PALS2: variants seen among roughly 807,000 people sequenced by gnomAD.
PALS2 encodes the protein protein PALS2.
In PALS2, 27 loss-of-function variants were observed where a neutral mutation model predicts 61.6. The ratio of observed to expected loss-of-function variants is 0.44; its 90% CI spans 0.32 to 0.60. PALS2 has a LOEUF of 0.60. Ranked by LOEUF, PALS2 falls within the 20% of genes least tolerant of loss-of-function variation. The pLI is 0.05. For missense variants in PALS2, 554 were observed against 639.4 expected (o/e 0.87, Z 1.44); for synonymous variants, 236 against 218.6 (o/e 1.08, Z -0.70).
intron 1 of PALS2, among the ~76,000 whole-genome samples, chr7:24,621,001 A>G (rs1388424069): frequency 1.3e-5 from 2 of 152,196 alleles, no homozygotes; most frequent in African/African-American, 4.8e-5. Flanking sequence ...AGAAAGAAAA[A>G]TAAATAATGG....
At chr7:24,620,380 A>G (rs990323105) in intron 1 of PALS2, among the ~76,000 whole-genome samples, 13 of 152,164 alleles carry the variant, frequency 8.5e-5, no homozygotes, top group Admixed American at 7.2e-4. Flanking sequence ...AAATCCACCA[A>G]ATATACAAAC....
intron 5 of PALS2, among the ~76,000 whole-genome samples, chr7:24,658,550 T>C (rs1043453480): frequency 1.7e-4 from 23 of 138,666 alleles, no homozygotes; most frequent in Non-Finnish European, 2.7e-4. Flanking sequence ...ATTCTTTTTT[T>C]TTCTTCCAAC....
intron 1 of PALS2, among the ~76,000 whole-genome samples, chr7:24,575,198 A>G (rs996771057): frequency 2.6e-5 from 4 of 152,174 alleles, no homozygotes; most frequent in African/African-American, 9.7e-5. Context: ...CACCATCTTT[A>G]TGAAAGAGGT....
At chr7:24,653,731 C>T (rs1013907516) in intron 5 of PALS2, among the ~76,000 whole-genome samples, 1 of 152,148 alleles carries the variant, frequency 6.6e-6, no homozygotes, top group African/African-American at 2.4e-5. Flanking sequence ...TAGGCAATAT[C>T]TCTGATACTA....
intron 1 of PALS2, among the ~76,000 whole-genome samples, chr7:24,583,435 C>G (rs553702346): frequency 2.6e-5 from 4 of 151,988 alleles, no homozygotes; most frequent in Non-Finnish European, 5.9e-5. Flanking sequence ...TTACTATTCA[C>G]CCAATTAAAA....
intron 1 of PALS2, chr7:24,597,265 C>T (rs372160997): frequency 6.6e-6 from 1 of 152,126 alleles, no homozygotes; most frequent in East Asian, 1.9e-4. Flanking sequence ...TAAATGAGAT[C>T]ACTCAAGAAA....
At chr7:24,684,993 G>T (rs1322108882) in intron 11 of PALS2, among the ~76,000 whole-genome samples, 1 of 151,262 alleles carries the variant, frequency 6.6e-6, no homozygotes, top group African/African-American at 2.4e-5. Flanking sequence ...TGTACAGGAT[G>T]TGCGGGTTTG....
chr7:24,635,264 C>A (rs755697365), intron 2 of PALS2, among the ~76,000 whole-genome samples: 1 of 152,038 alleles, frequency 6.6e-6, no homozygotes, highest in African/African-American at 2.4e-5. Context: ...AAATTTTGCA[C>A]TTGTTTTGTT....
intron 2 of PALS2, among the ~76,000 whole-genome samples, chr7:24,637,148 A>T (rs948242875): frequency 2.0e-5 from 3 of 152,090 alleles, no homozygotes; most frequent in Non-Finnish European, 4.4e-5. Flanking sequence ...ATCTAAGAGA[A>T]GCTCAGCAGT....
chr7:24,588,407 T>A (rs192671367), intron 1 of PALS2, among the ~76,000 whole-genome samples: 1 of 152,294 alleles, frequency 6.6e-6, no homozygotes, highest in East Asian at 1.9e-4. Flanking sequence ...ATTTTTCTGT[T>A]TTACCAGTTT....
chr7:24,582,358 G>A (rs918456009), intron 1 of PALS2, among the ~76,000 whole-genome samples: 1 of 152,162 alleles, frequency 6.6e-6, no homozygotes, highest in African/African-American at 2.4e-5. Flanking sequence ...CATTTGAACA[G>A]CATCCAATCT....
At chr7:24,679,379 GGA>G (rs771515255) in intron 10 of PALS2, 46 bp downstream of exon 10, 2 of 1,592,690 alleles carry the variant, frequency 1.3e-6, no homozygotes, top group South Asian at 2.3e-5. Context: ...TATTTTCTGT[GGA>G]GTTTTTTTCA....
chr7:24,686,760 G>A (rs1308718757), intron 11 of PALS2, among the ~76,000 whole-genome samples: 1 of 152,116 alleles, frequency 6.6e-6, no homozygotes, highest in African/African-American at 2.4e-5. Context: ...AATATTTGTA[G>A]AATATGTAGA....
At chr7:24,610,865 A>G (rs1324202868) in intron 1 of PALS2, among the ~76,000 whole-genome samples, 1 of 152,164 alleles carries the variant, frequency 6.6e-6, no homozygotes, top group Non-Finnish European at 1.5e-5. Flanking sequence ...TTTTCATTTC[A>G]TGGATACTGT....
chr7:24,595,452 AATAT>A (rs931479372), intron 1 of PALS2, among the ~76,000 whole-genome samples: 2 of 137,732 alleles, frequency 1.5e-5, no homozygotes, highest in African/African-American at 2.7e-5. Flanking sequence ...CATAATATAT[AATAT>A]ATATAAATAT....
Position 24,674,879 on chromosome 7 carries a change from G to A in PALS2, c.1115-4252G>A, listed in dbSNP as rs113967268. On this transcript the variant is annotated intron_variant, in intron 9 of 11. Transcript: ENST00000222644. ...GACATCTTGAGCTTAGTTAACAAAT[G>A]AAGTATTACTTTGTTGATTGTGTCT... Among the ~76,000 whole-genome samples, 1,164 of 152,206 alleles carry A rather than the reference G, an allele frequency of 7.6e-3. 9 individuals carry two copies. Among genetic ancestry groups the A allele is most frequent in the African/African-American group, 0.026 (1,086 of 41,516 alleles).
intron 1 of PALS2, among the ~76,000 whole-genome samples, chr7:24,612,603 T>G (rs1297266659): frequency 6.6e-6 from 1 of 151,862 alleles, no homozygotes; most frequent in Non-Finnish European, 1.5e-5. Flanking sequence ...CAGCATAATT[T>G]TAATAATTTT....
chr7:24,634,439 C>A (rs1785147205), intron 2 of PALS2, among the ~76,000 whole-genome samples: 1 of 152,132 alleles, frequency 6.6e-6, no homozygotes, highest in Non-Finnish European at 1.5e-5. Context: ...ACCGTGTTAG[C>A]CAGTATGGTC....
At chr7:24,645,327 C>G (rs1785776630) in intron 3 of PALS2, among the ~76,000 whole-genome samples, 1 of 152,168 alleles carries the variant, frequency 6.6e-6, no homozygotes. Context: ...CTTCAATCTT[C>G]TGCATATGGC....
Sources: allele counts gnomAD v4.1 joint callset (sites outside exome capture counted in the v4.1 genomes callset), GRCh38; gene constraint gnomAD v4.1.1; transcripts MANE v1.5; gene names NCBI Gene and HGNC (gene_info 2026-07-23, HGNC 2026-07-21).